Variants in GPBP1 observed in about 807,000 individuals in gnomAD.
GPBP1 encodes the protein vasculin.
Under a neutral mutation model 56.5 loss-of-function variants are expected in GPBP1, and 13 were observed. That is an observed-to-expected ratio of 0.23 (90% confidence interval 0.15 to 0.37). GPBP1 has a LOEUF of 0.37. GPBP1 is among the 10% of genes least tolerant of loss of function. The pLI is 1.00. For synonymous variants in GPBP1, 204 were observed against 188.9 expected, an observed-to-expected ratio of 1.08 and a Z score of -0.66; for missense variants, 477 against 572.3, an observed-to-expected ratio of 0.83 and a Z score of 1.70.
Position 57,263,549 on chromosome 5 carries a change from C to T in GPBP1, c.*797C>T, listed in dbSNP as rs898154946. On this transcript the variant is annotated 3_prime_UTR_variant, in exon 12 of 12. Coordinates refer to ENST00000506184, the MANE Select transcript of GPBP1 (RefSeq NM_022913.4). The stretch of plus-strand genomic sequence containing the variant: ...GAAAAACTGATCACACTGACTGGAT[C>T]TGTCCACGACATGGAAAATAAACTG... The T allele has an allele frequency of 2.0e-5, 3 of 152,162 alleles. No homozygotes were observed. Among genetic ancestry groups the T allele is most frequent in the African/African-American group, 7.2e-5 (3 of 41,434 alleles). The allele number at this position is 152,162 out of a possible 1,614,324, so 9.4% of individuals were successfully genotyped here.
At chr5:57,236,087 T>A in intron 6 of GPBP1, 55 bp downstream of exon 6, 15 of 1,188,180 alleles carry the variant, frequency 1.3e-5, no homozygotes, top group Non-Finnish European at 1.9e-5. Flanking sequence ...ATTTATAGGT[T>A]TCACTTTTTG....
chr5:57,179,478 G>T lies in GPBP1; in HGVS notation c.-58+3078G>T, dbSNP rs1446909360. Among the ~76,000 whole-genome samples, 3 of 152,184 alleles carry T rather than the reference G, an allele frequency of 2.0e-5. No homozygotes were observed. In the East Asian group the frequency reaches 5.8e-4, roughly 29 times the overall value. ...TCCTCCTGCCTTGGCCTCTCAAAGTGCTGGGATTACAGGCCTAAACCACAG... is the reference window on the plus strand; with the variant it reads ...TCCTCCTGCCTTGGCCTCTCAAAGTTCTGGGATTACAGGCCTAAACCACAG... On this transcript the variant is annotated intron_variant, in intron 2 of 11. Coordinates refer to ENST00000506184, the MANE Select transcript of GPBP1 (RefSeq NM_022913.4).
chr5:57,235,880 C>G, intron 5 of GPBP1, 86 bp from the exon 6 acceptor site: 1 of 916,784 alleles, frequency 1.1e-6, no homozygotes, highest in East Asian at 2.4e-5. Context: ...ATATTTGATT[C>G]ATCAGTTACA....
In GPBP1 at chr5:57,195,372, G is replaced by A. The variant is rs60623110; in HGVS notation, c.-57-18702G>A. On this transcript the variant is annotated intron_variant, in intron 2 of 11. Coordinates refer to ENST00000506184, the MANE Select transcript of GPBP1 (RefSeq NM_022913.4). ...GAGTCTTCCTATTTTGCCCAGGCTG[G>A]TCTCCAGGTCCTGGGCATAAATGGT... 3.1e-3 allele frequency among the ~76,000 whole-genome samples: 466 copies of A among 152,178 alleles called. 4 individuals are homozygous for A. The highest frequency in any genetic ancestry group is 0.01 in the African/African-American group (433 of 41,508).
intron 3 of GPBP1, among the ~76,000 whole-genome samples, chr5:57,226,729 C>CT (rs70999067): frequency 0.015 from 1,144 of 77,086 alleles, 119 homozygotes; most frequent in Non-Finnish European, 0.02. Context: ...TTTTTGTATT[C>CT]TTTTTTTTTT....
chr5:57,217,571 C>G (rs1029210443), intron 3 of GPBP1, among the ~76,000 whole-genome samples: 4 of 151,508 alleles, frequency 2.6e-5, no homozygotes, highest in African/African-American at 9.7e-5. Flanking sequence ...AATACTGTCT[C>G]AAAACAAACA....
intron 1 of GPBP1, 130 bp downstream of exon 1, chr5:57,174,341 G>C (rs368591098): frequency 6.6e-6 from 1 of 152,636 alleles, no homozygotes; most frequent in African/African-American, 2.4e-5. Flanking sequence ...CGACGGAGGG[G>C]CGGCGAGAAG....
intron 3 of GPBP1, among the ~76,000 whole-genome samples, chr5:57,229,819 G>A (rs910905122): frequency 1.3e-5 from 2 of 152,040 alleles, no homozygotes; most frequent in African/African-American, 4.8e-5. Flanking sequence ...GATTACAGGC[G>A]TGAGCCACCA....
chr5:57,221,732 G>T (rs1195287875), intron 3 of GPBP1, among the ~76,000 whole-genome samples: 1 of 152,180 alleles, frequency 6.6e-6, no homozygotes, highest in African/African-American at 2.4e-5. Context: ...GTGTTAAAAA[G>T]ATTAGTATTA....
chr5:57,174,508 T>G (rs1423160778), intron 1 of GPBP1, among the ~76,000 whole-genome samples: 1 of 151,796 alleles, frequency 6.6e-6, no homozygotes, highest in Non-Finnish European at 1.5e-5. Context: ...TGGGAGCGAG[T>G]CCGACGCTCT....
chr5:57,216,794 A>G (rs1561345986), intron 3 of GPBP1, among the ~76,000 whole-genome samples: 1 of 152,184 alleles, frequency 6.6e-6, no homozygotes, highest in Non-Finnish European at 1.5e-5. Flanking sequence ...GTGTTTCTGT[A>G]CTATTCTTCT....
intron 2 of GPBP1, among the ~76,000 whole-genome samples, chr5:57,211,576 T>TTTGTTGTTG (rs71287163): frequency 0.29 from 43,191 of 150,906 alleles, 6,249 homozygotes; most frequent in Middle Eastern, 0.33. Context: ...CTCCGGGGAT[T>TTTGTTGTTG]TTGTTGTTGT....
intron 2 of GPBP1, among the ~76,000 whole-genome samples, chr5:57,181,445 AAAAG>A (rs1211943611): frequency 1.3e-5 from 2 of 151,798 alleles, no homozygotes; most frequent in East Asian, 1.9e-4. Context: ...AAAAAAAAAA[AAAAG>A]AACCTCTGAC....
intron 2 of GPBP1, among the ~76,000 whole-genome samples, chr5:57,192,707 C>T (rs1410803340): frequency 6.9e-6 from 1 of 144,092 alleles, no homozygotes; most frequent in Non-Finnish European, 1.5e-5. Context: ...GAGCTGCGAT[C>T]ACGCCATTGC....
chr5:57,197,685 A>G (rs1453166604), intron 2 of GPBP1, among the ~76,000 whole-genome samples: 1 of 45,104 alleles, frequency 2.2e-5, no homozygotes, highest in African/African-American at 1.0e-4. Flanking sequence ...GCTTGATGTC[A>G]TGTTTTTCTT....
Sources: allele counts gnomAD v4.1 joint callset (sites outside exome capture counted in the v4.1 genomes callset), GRCh38; gene constraint gnomAD v4.1.1; transcripts MANE v1.5; gene names NCBI Gene and HGNC (gene_info 2026-07-23, HGNC 2026-07-21).